Variants in ARB2A observed in about 807,000 individuals in gnomAD.
ARB2A encodes the protein cotranscriptional regulator ARB2A.
At chr5:93,873,121 C>T in the ARB2A span, among the ~76,000 whole-genome samples, 1 of 151,698 alleles carries the variant, frequency 6.6e-6, no homozygotes, top group African/African-American at 2.4e-5. Flanking sequence ...ATTAATCAAA[C>T]CTTTATTTTA....
the ARB2A span, among the ~76,000 whole-genome samples, chr5:93,705,604 A>G: frequency 1.5e-5 from 2 of 136,708 alleles, no homozygotes; most frequent in Non-Finnish European, 1.7e-5. Flanking sequence ...AAAAATTGGG[A>G]AAAAATGTGT....
chr5:93,768,737 T>C, the ARB2A span, among the ~76,000 whole-genome samples: 58 of 152,034 alleles, frequency 3.8e-4, no homozygotes, highest in Admixed American at 3.8e-3. Context: ...CACGCCACCA[T>C]GCCTGGCTAA....
At chr5:94,029,772 T>C in the ARB2A span, among the ~76,000 whole-genome samples, 4 of 152,254 alleles carry the variant, frequency 2.6e-5, no homozygotes, top group Non-Finnish European at 5.9e-5. Context: ...TCCTTTCACC[T>C]AAAGGAATTA....
the ARB2A span, among the ~76,000 whole-genome samples, chr5:94,103,508 G>C: frequency 6.6e-6 from 1 of 152,032 alleles, no homozygotes; most frequent in East Asian, 1.9e-4. Flanking sequence ...GGAGCACCCA[G>C]ATTCATAAAA....
chr5:93,865,283 T>G, the ARB2A span: 118 of 466,866 alleles, frequency 2.5e-4, no homozygotes, highest in African/African-American at 2.1e-3. Context: ...GGGTTTCACC[T>G]TGTTAGCCAG....
the ARB2A span, among the ~76,000 whole-genome samples, chr5:94,046,549 C>T: frequency 6.6e-6 from 1 of 152,134 alleles, no homozygotes; most frequent in African/African-American, 2.4e-5. Flanking sequence ...CAGGAAGGCG[C>T]CAACTTAACT....
chr5:93,814,649 T>C, the ARB2A span, among the ~76,000 whole-genome samples: 1 of 152,188 alleles, frequency 6.6e-6, no homozygotes, highest in African/African-American at 2.4e-5. Context: ...TTATTCTCTT[T>C]GTTTAAAAAT....
chr5:93,719,509 GAACA>G, the ARB2A span, among the ~76,000 whole-genome samples: 108 of 152,252 alleles, frequency 7.1e-4, no homozygotes, highest in East Asian at 0.016. Context: ...GAACTGGGGA[GAACA>G]ATCAATTAAA....
the ARB2A span, among the ~76,000 whole-genome samples, chr5:93,876,577 A>G: frequency 6.6e-6 from 1 of 152,042 alleles, no homozygotes; most frequent in South Asian, 2.1e-4. Context: ...TTAAAGTTTT[A>G]GGCCCAAATT....
At chr5:93,932,108 G>A in the ARB2A span, among the ~76,000 whole-genome samples, 1 of 152,244 alleles carries the variant, frequency 6.6e-6, no homozygotes, top group East Asian at 1.9e-4. Context: ...TGGTGGAATT[G>A]AGATAGTTGG....
At chr5:93,627,444 T>G in the ARB2A span, among the ~76,000 whole-genome samples, 3 of 130,852 alleles carry the variant, frequency 2.3e-5, no homozygotes, top group African/African-American at 6.0e-5. Context: ...ATGTGTTTTG[T>G]TTTTTTTTTT....
chr5:93,928,562 A>G, the ARB2A span, among the ~76,000 whole-genome samples: 5 of 152,158 alleles, frequency 3.3e-5, no homozygotes, highest in African/African-American at 1.2e-4. Context: ...TTTTTTATCT[A>G]AGCACAGGCA....
chr5:93,750,295 T>C, the ARB2A span, among the ~76,000 whole-genome samples: 3 of 152,182 alleles, frequency 2.0e-5, no homozygotes, highest in Non-Finnish European at 4.4e-5. Context: ...TTGCTACTTA[T>C]GCTGATTTGT....
the ARB2A span, among the ~76,000 whole-genome samples, chr5:93,672,447 T>G: frequency 1.3e-5 from 2 of 152,044 alleles, no homozygotes; most frequent in African/African-American, 4.8e-5. Flanking sequence ...GTAGCTGGGA[T>G]TACAGGCACT....
chr5:93,886,917 A>G, the ARB2A span, among the ~76,000 whole-genome samples: 5 of 151,834 alleles, frequency 3.3e-5, no homozygotes, highest in African/African-American at 1.2e-4. Context: ...AAATACCATA[A>G]TATGGACCAA....
At chr5:93,785,731 T>C in the ARB2A span, among the ~76,000 whole-genome samples, 1 of 152,188 alleles carries the variant, frequency 6.6e-6, no homozygotes, top group South Asian at 2.1e-4. Context: ...TCTGCTTATA[T>C]AATATAAAAA....
chr5:93,844,563 CT>C, the ARB2A span, among the ~76,000 whole-genome samples: 1 of 152,100 alleles, frequency 6.6e-6, no homozygotes. Context: ...ATCTCATTCC[CT>C]TCTTCTAAAG....
the ARB2A span, among the ~76,000 whole-genome samples, chr5:94,014,841 A>G: frequency 6.6e-6 from 1 of 150,466 alleles, no homozygotes; most frequent in Non-Finnish European, 1.5e-5. Context: ...TTGAAAATAC[A>G]CAGTCACAGG....
chr5:93,623,036 A>G, the ARB2A span, among the ~76,000 whole-genome samples: 1 of 152,220 alleles, frequency 6.6e-6, no homozygotes, highest in African/African-American at 2.4e-5. Context: ...CCTGCTTTAA[A>G]TGATATTTGC....
Sources: gnomAD v4.1 joint callset for allele counts (sites outside exome capture counted in the v4.1 genomes callset) on GRCh38, gnomAD v4.1.1 for gene constraint, MANE v1.5 for transcripts, NCBI Gene and HGNC (gene_info 2026-07-23, HGNC 2026-07-21) for gene names.